The following NRG1 variants were observed in gnomAD, a reference collection of about 807,000 sequenced individuals.
NRG1 encodes pro-neuregulin-1, membrane-bound isoform.
Under a neutral mutation model 63.8 loss-of-function variants are expected in NRG1, and 18 were observed. The observed-to-expected ratio is 0.28, with a 90% CI of 0.19 to 0.42. The LOEUF is 0.42. NRG1 is among the 10% of genes least tolerant of loss of function. The pLI, the probability that NRG1 is intolerant of heterozygous loss-of-function variation, is 1.00. For synonymous variants in NRG1, 302 were observed against 301.3 expected, an observed-to-expected ratio of 1.00 and a Z score of -0.02; for missense variants, 762 against 814.7, an observed-to-expected ratio of 0.94 and a Z score of 0.79.
chr8:32,415,405 G>A (rs1193130781), intron 1 of NRG1, among the ~76,000 whole-genome samples: 2 of 137,586 alleles, frequency 1.5e-5, no homozygotes, highest in Non-Finnish European at 3.1e-5. Flanking sequence ...GAAAAAGGAT[G>A]TGAAAGGAAA....
At chr8:32,001,813 G>GCATGA (rs1167766042) in intron 1 of NRG1, among the ~76,000 whole-genome samples, 1 of 152,006 alleles carries the variant, frequency 6.6e-6, no homozygotes, top group Non-Finnish European at 1.5e-5. Flanking sequence ...ATGATATCAA[G>GCATGA]TATACATATT....
At chr8:32,565,215 T>G (rs955611009) in intron 1 of NRG1, among the ~76,000 whole-genome samples, 4 of 152,234 alleles carry the variant, frequency 2.6e-5, no homozygotes, top group African/African-American at 9.6e-5. Context: ...AACATATAAA[T>G]TGGCTTTCAG....
intron 1 of NRG1, among the ~76,000 whole-genome samples, chr8:32,417,867 T>G (rs1182482992): frequency 6.6e-6 from 1 of 152,186 alleles, no homozygotes; most frequent in Non-Finnish European, 1.5e-5. Context: ...TGTTTTGTCT[T>G]TCTTTTTTAA....
intron 5 of NRG1, among the ~76,000 whole-genome samples, chr8:32,698,662 T>G (rs1814020131): frequency 6.6e-6 from 1 of 152,060 alleles, no homozygotes; most frequent in Admixed American, 6.5e-5. Context: ...TTCAGATGAG[T>G]TCAGGATGGC....
rs985667470 is a variant in NRG1 at position 32,103,518 on chromosome 8, A to G, written c.37+464087A>G. On this transcript the variant is annotated intron_variant, in intron 1 of 10. Coordinates refer to the NRG1 transcript ENST00000519301. ...ATGGATGTGCAGGTATCTCTTTGAC[A>G]TGCTGATTTCCTTTCTTTTGGGAAT... Among the ~76,000 whole-genome samples, 3 of 152,178 alleles carry G rather than the reference A, an allele frequency of 2.0e-5. No individual in the cohort carries two copies. In the South Asian group the frequency reaches 6.2e-4, roughly 32 times the overall value.
At chr8:32,451,346 C>A (rs963710039) in intron 1 of NRG1, among the ~76,000 whole-genome samples, 7 of 152,214 alleles carry the variant, frequency 4.6e-5, no homozygotes, top group Non-Finnish European at 7.3e-5. Flanking sequence ...TACCTAGGAA[C>A]CTGGATGCAC....
upstream of NRG1, among the ~76,000 whole-genome samples, chr8:32,544,469 CTTATTAT>C (rs1229819603): frequency 7.8e-6 from 1 of 127,444 alleles, no homozygotes; most frequent in East Asian, 2.3e-4. Context: ...TACTGCCTAG[CTTATTAT>C]TTATTTATTT....
intron 1 of NRG1, among the ~76,000 whole-genome samples, chr8:32,060,178 TGTCTTA>T (rs1180154170): frequency 1.3e-5 from 2 of 152,006 alleles, no homozygotes; most frequent in East Asian, 3.9e-4. Context: ...TCATCTTGCC[TGTCTTA>T]GTCTTTATCC....
chr8:31,855,070 G>GA (rs1827704288), intron 1 of NRG1, among the ~76,000 whole-genome samples: 3 of 152,010 alleles, frequency 2.0e-5, no homozygotes, highest in African/African-American at 7.3e-5. Context: ...GTGTGGTGCT[G>GA]AAAAAAATGT....
rs141551531 is a variant in NRG1 at position 32,739,674 on chromosome 8, A to G, written c.633-3001A>G. On this transcript the variant is annotated intron_variant, in intron 6 of 11. Transcript: ENST00000356819. ...GTGCCTTCTGATCACAGAACTGGTT[A>G]TAAGATGCCTAATGACAATTTCCTT... is the stretch of plus-strand genomic sequence containing the variant. 3.4e-3 allele frequency among the ~76,000 whole-genome samples: 524 copies of G among 152,266 alleles called. 2 individuals are homozygous for G. The highest frequency in any genetic ancestry group is 0.012 in the African/African-American group (500 of 41,566).
At chr8:32,175,385 G>A (rs1384922021) in intron 1 of NRG1, among the ~76,000 whole-genome samples, 2 of 152,074 alleles carry the variant, frequency 1.3e-5, no homozygotes, top group African/African-American at 4.8e-5. Flanking sequence ...ATACTGAATG[G>A]GCAAAAACTG....
At chr8:32,497,897 C>T (rs961088195) in intron 1 of NRG1, among the ~76,000 whole-genome samples, 2 of 152,204 alleles carry the variant, frequency 1.3e-5, no homozygotes, top group Non-Finnish European at 2.9e-5. Flanking sequence ...GATCTCGGCT[C>T]ACCACAACCT....
At chr8:32,623,390 A>G (rs901525518) in intron 5 of NRG1, among the ~76,000 whole-genome samples, 1 of 152,234 alleles carries the variant, frequency 6.6e-6, no homozygotes, top group Non-Finnish European at 1.5e-5. Flanking sequence ...TTTATTGGTC[A>G]TAACATGTGA....
chr8:32,253,094 G>A (rs1272596803), intron 1 of NRG1, among the ~76,000 whole-genome samples: 1 of 152,096 alleles, frequency 6.6e-6, no homozygotes, highest in African/African-American at 2.4e-5. Context: ...GGAGATTTTG[G>A]GCTGAGAAGA....
chr8:32,463,770 G>C (rs896982959), intron 1 of NRG1, among the ~76,000 whole-genome samples: 1 of 151,318 alleles, frequency 6.6e-6, no homozygotes, highest in Non-Finnish European at 1.5e-5. Context: ...GAGCCCAGGA[G>C]GTCAAGGCTA....
At position 32,555,004 on chromosome 8, in the gene NRG1, C is replaced by T. The variant is rs113225931; in HGVS notation, c.100+6178C>T. Reference sequence around the variant, plus strand: ...AGAGTCCCGATTCCATACATGTTAGCTGCCTCAACTGGAGTTTGTTTTCCA... The same window carrying T: ...AGAGTCCCGATTCCATACATGTTAGTTGCCTCAACTGGAGTTTGTTTTCCA... On this transcript the variant is annotated intron_variant, in intron 1 of 11. Transcript: ENST00000356819. Among the ~76,000 whole-genome samples, 794 of 151,972 alleles carry T rather than the reference C, an allele frequency of 5.2e-3. 6 individuals are homozygous for T. The highest frequency in any genetic ancestry group is 0.018 in the African/African-American group (746 of 41,428).
chr8:32,560,242 G>A (rs539375186), intron 1 of NRG1, among the ~76,000 whole-genome samples: 1 of 150,994 alleles, frequency 6.6e-6, no homozygotes, highest in Non-Finnish European at 1.5e-5. Context: ...CAAAGTCAGA[G>A]CAATTTCAAT....
At chr8:32,181,821 G>C (rs1585897860) in intron 1 of NRG1, among the ~76,000 whole-genome samples, 1 of 151,972 alleles carries the variant, frequency 6.6e-6, no homozygotes. Flanking sequence ...ACAAAAATAA[G>C]TATTTCTATT....
intron 1 of NRG1, among the ~76,000 whole-genome samples, chr8:32,002,334 T>C (rs1489292482): frequency 6.6e-6 from 1 of 152,108 alleles, no homozygotes; most frequent in Non-Finnish European, 1.5e-5. Flanking sequence ...GGAATTCTTT[T>C]GTATGGCAGA....
Sources: allele counts gnomAD v4.1 joint callset (sites outside exome capture counted in the v4.1 genomes callset), GRCh38; gene constraint gnomAD v4.1.1; transcripts MANE v1.5; gene names NCBI Gene and HGNC (gene_info 2026-07-23, HGNC 2026-07-21).